LSAMP: variants seen among roughly 807,000 people sequenced by gnomAD.
LSAMP encodes limbic system-associated membrane protein.
A neutral mutation model predicts 38.6 loss-of-function variants in LSAMP; 7 were observed. The ratio of observed to expected loss-of-function variants is 0.18; its 90% CI spans 0.10 to 0.34. The LOEUF is 0.34. Ranked by LOEUF, LSAMP falls within the 10% of genes least tolerant of loss-of-function variation. The pLI, the probability that LSAMP is intolerant of heterozygous loss-of-function variation, is 1.00. For missense variants in LSAMP, 313 were observed against 420.0 expected, an observed-to-expected ratio of 0.75 and a Z score of 2.23; for synonymous variants, 154 against 166.8, an observed-to-expected ratio of 0.92 and a Z score of 0.59.
At chr3:116,229,132 T>C (rs2046372320) in intron 1 of LSAMP, among the ~76,000 whole-genome samples, 2 of 152,156 alleles carry the variant, frequency 1.3e-5, no homozygotes, top group African/African-American at 4.8e-5. Flanking sequence ...ACATAACTTA[T>C]CTTGAAAGTG....
intron 1 of LSAMP, among the ~76,000 whole-genome samples, chr3:116,118,792 C>A (rs1209080325): frequency 6.6e-6 from 1 of 152,130 alleles, no homozygotes. Context: ...AAATACAAAT[C>A]CAAATTTAAT....
intron 1 of LSAMP, among the ~76,000 whole-genome samples, chr3:116,215,681 G>C (rs1458526091): frequency 1.3e-5 from 2 of 152,142 alleles, no homozygotes; most frequent in African/African-American, 4.8e-5. Context: ...TCAGAGAGAT[G>C]CATTTAATTA....
chr3:116,015,399 C>G (rs1321509627), intron 3 of LSAMP, among the ~76,000 whole-genome samples: 1 of 152,116 alleles, frequency 6.6e-6, no homozygotes, highest in Non-Finnish European at 1.5e-5. Context: ...AGCAGCATTG[C>G]TCACAGAAGG....
intron 3 of LSAMP, among the ~76,000 whole-genome samples, chr3:115,954,995 C>T (rs1424294955): frequency 6.6e-6 from 1 of 151,608 alleles, no homozygotes; most frequent in Non-Finnish European, 1.5e-5. Context: ...TGCCCTGTCA[C>T]CCAGGCTGGA....
At chr3:116,370,909 T>G (rs988433085) in intron 1 of LSAMP, among the ~76,000 whole-genome samples, 18 of 152,132 alleles carry the variant, frequency 1.2e-4, no homozygotes, top group African/African-American at 3.6e-4. Flanking sequence ...CGCTACTGAT[T>G]CAACATAAAT....
At chr3:116,201,698 T>G (rs937116986) in intron 1 of LSAMP, among the ~76,000 whole-genome samples, 1 of 152,192 alleles carries the variant, frequency 6.6e-6, no homozygotes, top group Non-Finnish European at 1.5e-5. Context: ...TCATAGCCAC[T>G]CATAGAACCA....
At chr3:116,218,151 C>G (rs1016679908) in intron 1 of LSAMP, among the ~76,000 whole-genome samples, 4 of 152,036 alleles carry the variant, frequency 2.6e-5, no homozygotes, top group Non-Finnish European at 5.9e-5. Flanking sequence ...TGGGAGTTGT[C>G]CTTCCATGCT....
At chr3:115,850,912 C>G (rs547430113) in intron 4 of LSAMP, among the ~76,000 whole-genome samples, 24 of 152,112 alleles carry the variant, frequency 1.6e-4, no homozygotes. Flanking sequence ...ACTAATGATG[C>G]TTATCTCATA....
At chr3:116,440,860 A>G (rs1047414374) in intron 1 of LSAMP, among the ~76,000 whole-genome samples, 1 of 152,200 alleles carries the variant, frequency 6.6e-6, no homozygotes, top group Non-Finnish European at 1.5e-5. Flanking sequence ...GCCCATGCCC[A>G]CAGTTTGTTT....
chr3:116,101,726 A>G (rs1708351954), intron 1 of LSAMP, among the ~76,000 whole-genome samples: 3 of 152,182 alleles, frequency 2.0e-5, no homozygotes, highest in Admixed American at 2.0e-4. Context: ...TAAATACAAT[A>G]TGCAGGGGAA....
At chr3:116,242,832 T>TAGAC (rs1430094030) in intron 1 of LSAMP, among the ~76,000 whole-genome samples, 1 of 70,766 alleles carries the variant, frequency 1.4e-5, no homozygotes, top group Non-Finnish European at 4.5e-5. Context: ...ACCTGCCTCA[T>TAGAC]AGATAGAAGT....
chr3:116,146,457 G>A (rs942560975), intron 1 of LSAMP, among the ~76,000 whole-genome samples: 2 of 151,848 alleles, frequency 1.3e-5, no homozygotes, highest in Admixed American at 6.6e-5. Context: ...AGCAAAAGGA[G>A]CCTTAGAGAT....
chr3:115,812,393 G>A (rs1236066738), intron 6 of LSAMP, among the ~76,000 whole-genome samples: 1 of 152,122 alleles, frequency 6.6e-6, no homozygotes, highest in Non-Finnish European at 1.5e-5. Flanking sequence ...TTGCATGAAA[G>A]CACCCGATTA....
chr3:116,282,554 G>A (rs1257843540), intron 1 of LSAMP, among the ~76,000 whole-genome samples: 2 of 152,062 alleles, frequency 1.3e-5, no homozygotes, highest in Non-Finnish European at 2.9e-5. Context: ...CATCTTCCAT[G>A]TCCCTTACGT....
At chr3:115,921,247 C>T (rs1426708390) in intron 3 of LSAMP, among the ~76,000 whole-genome samples, 1 of 151,892 alleles carries the variant, frequency 6.6e-6, no homozygotes, top group African/African-American at 2.4e-5. Context: ...TGTTTTCTGC[C>T]TTGTAGCTCT....
At chr3:116,329,908 T>A (rs1001005800) in intron 1 of LSAMP, among the ~76,000 whole-genome samples, 15 of 152,152 alleles carry the variant, frequency 9.9e-5, no homozygotes, top group Admixed American at 9.8e-4. Flanking sequence ...ATAACTTACA[T>A]TAAATTAAAT....
At chr3:116,317,769 G>A (rs1235155257) in intron 1 of LSAMP, among the ~76,000 whole-genome samples, 2 of 151,964 alleles carry the variant, frequency 1.3e-5, no homozygotes, top group African/African-American at 4.8e-5. Flanking sequence ...CTAAGTGAGC[G>A]ATTGGATCAA....
intron 1 of LSAMP, among the ~76,000 whole-genome samples, chr3:116,191,259 G>A (rs986708141): frequency 1.4e-4 from 22 of 152,062 alleles, no homozygotes; most frequent in African/African-American, 7.2e-5. Context: ...GAATGCAAAT[G>A]TCTATCCTCC....
intron 3 of LSAMP, among the ~76,000 whole-genome samples, chr3:115,900,217 T>G (rs1936838926): frequency 6.6e-6 from 1 of 152,100 alleles, no homozygotes; most frequent in African/African-American, 2.4e-5. Flanking sequence ...TTCATTTAAG[T>G]TTAAATTGCT....
Sources: gnomAD v4.1 joint callset for allele counts (sites outside exome capture counted in the v4.1 genomes callset) on GRCh38, gnomAD v4.1.1 for gene constraint, MANE v1.5 for transcripts, NCBI Gene and HGNC (gene_info 2026-07-23, HGNC 2026-07-21) for gene names.